NEGR1: variants seen among roughly 807,000 people sequenced by gnomAD.
The protein encoded by NEGR1 is IgLON family member 4.
Under a neutral mutation model 40.9 loss-of-function variants are expected in NEGR1, and 10 were observed. The ratio of observed to expected loss-of-function variants is 0.24; its 90% CI spans 0.15 to 0.42. NEGR1 has a LOEUF of 0.42. NEGR1 is among the 10% of genes least tolerant of loss of function. The probability of loss-of-function intolerance (pLI) is 1.00; values close to 1 mark genes in which losing one functional copy is unlikely to be tolerated. For synonymous variants in NEGR1, 185 were observed against 166.8 expected, an observed-to-expected ratio of 1.11 and a Z score of -0.84; for missense variants, 352 against 438.9, an observed-to-expected ratio of 0.80 and a Z score of 1.77.
At chr1:72,095,512 C>G (rs547414946) in intron 1 of NEGR1, among the ~76,000 whole-genome samples, 4 of 152,146 alleles carry the variant, frequency 2.6e-5, no homozygotes, top group African/African-American at 9.6e-5. Context: ...TATGAATCCC[C>G]TGTCCTCTAC....
At chr1:72,095,158 T>G (rs1648650579) in intron 1 of NEGR1, among the ~76,000 whole-genome samples, 1 of 152,156 alleles carries the variant, frequency 6.6e-6, no homozygotes, top group East Asian at 1.9e-4. Context: ...TAAATATCCA[T>G]TAAAATTCAC....
At chr1:71,902,559 C>G (rs1661170164) in intron 2 of NEGR1, among the ~76,000 whole-genome samples, 1 of 152,158 alleles carries the variant, frequency 6.6e-6, no homozygotes, top group Non-Finnish European at 1.5e-5. Flanking sequence ...ATTTCTGTAA[C>G]TCAGGACTTC....
At chr1:71,834,032 A>G (rs1383307267) in intron 2 of NEGR1, among the ~76,000 whole-genome samples, 1 of 152,128 alleles carries the variant, frequency 6.6e-6, no homozygotes, top group Non-Finnish European at 1.5e-5. Context: ...ATGTTTGTTG[A>G]ACAAATAAAT....
At chr1:72,034,622 C>A (rs1345092368) in intron 1 of NEGR1, among the ~76,000 whole-genome samples, 2 of 152,142 alleles carry the variant, frequency 1.3e-5, no homozygotes, top group African/African-American at 4.8e-5. Flanking sequence ...ACAATTGCTG[C>A]CACTTCCCTG....
At chr1:71,426,031 G>A (rs966735536) in intron 6 of NEGR1, among the ~76,000 whole-genome samples, 1 of 152,174 alleles carries the variant, frequency 6.6e-6, no homozygotes, top group Non-Finnish European at 1.5e-5. Context: ...AGTTAGTGAA[G>A]CTGCAAGAGT....
intron 1 of NEGR1, among the ~76,000 whole-genome samples, chr1:72,081,303 G>A (rs1424021932): frequency 6.6e-6 from 1 of 152,098 alleles, no homozygotes; most frequent in South Asian, 2.1e-4. Context: ...GTTGTCTAAA[G>A]AATGGAATAA....
At chr1:72,107,616 A>G (rs1298011351) in intron 1 of NEGR1, among the ~76,000 whole-genome samples, 1 of 151,520 alleles carries the variant, frequency 6.6e-6, no homozygotes, top group Non-Finnish European at 1.5e-5. Context: ...CTCTAAAACG[A>G]ATCTTTCTTC....
At chr1:72,101,694 C>A (rs1648954002) in intron 1 of NEGR1, among the ~76,000 whole-genome samples, 1 of 151,830 alleles carries the variant, frequency 6.6e-6, no homozygotes, top group Admixed American at 6.6e-5. Context: ...TAACTGAGAC[C>A]TTTGTCTCAG....
At chr1:72,077,819 A>G (rs1473532303) in intron 1 of NEGR1, among the ~76,000 whole-genome samples, 2 of 152,094 alleles carry the variant, frequency 1.3e-5, no homozygotes, top group Non-Finnish European at 2.9e-5. Context: ...TCAAATAAAA[A>G]AAAGAAAAAG....
chr1:72,120,297 A>G (rs1649748333), intron 1 of NEGR1, among the ~76,000 whole-genome samples: 1 of 152,030 alleles, frequency 6.6e-6, no homozygotes. Context: ...TCTACAAAAT[A>G]TATTTTATAA....
At chr1:71,898,668 T>C (rs1042952460) in intron 2 of NEGR1, among the ~76,000 whole-genome samples, 1 of 151,560 alleles carries the variant, frequency 6.6e-6, no homozygotes, top group African/African-American at 2.4e-5. Context: ...TTTGTTTTTT[T>C]TTCATTTAAT....
intron 5 of NEGR1, among the ~76,000 whole-genome samples, chr1:71,596,353 T>G (rs1477427538): frequency 2.6e-5 from 4 of 152,252 alleles, no homozygotes; most frequent in Non-Finnish European, 4.4e-5. Flanking sequence ...CTATTTGCTT[T>G]GCTAGCCAAG....
At chr1:71,872,372 T>C (rs145542492) in intron 2 of NEGR1, among the ~76,000 whole-genome samples, 118 of 152,304 alleles carry the variant, frequency 7.7e-4, no homozygotes, top group African/African-American at 2.7e-3. Flanking sequence ...TAGTATTGTG[T>C]TGTAGACGTT....
chr1:72,250,675 T>A (rs1399403927), intron 1 of NEGR1, among the ~76,000 whole-genome samples: 1 of 152,174 alleles, frequency 6.6e-6, no homozygotes, highest in Non-Finnish European at 1.5e-5. Context: ...AAGAAAATGA[T>A]AGTTAACCGT....
intron 1 of NEGR1, among the ~76,000 whole-genome samples, chr1:72,262,138 G>A (rs1655479471): frequency 6.6e-6 from 1 of 152,078 alleles, no homozygotes; most frequent in Admixed American, 6.6e-5. Flanking sequence ...TGGGTGGCAG[G>A]GCCTGCTTGC....
At position 71,469,382 on chromosome 1, in the gene NEGR1, A is replaced by C. The variant is rs533525839; in HGVS notation, c.941-61812T>G. On this transcript the variant is annotated intron_variant, in intron 6 of 6. Transcript: ENST00000357731. ...AGCAGGATCACATTGTAAACTATTA[A>C]AAAAACATAATTTGCTCTGTAATTA... Among the ~76,000 whole-genome samples the C allele has an allele frequency of 1.8e-4, 28 of 152,162 alleles. No homozygotes were observed. In the South Asian group the frequency reaches 5.8e-3, roughly 32 times the overall value.
At chr1:71,929,329 AT>A (rs1645832489) in intron 2 of NEGR1, among the ~76,000 whole-genome samples, 1 of 152,178 alleles carries the variant, frequency 6.6e-6, no homozygotes, top group Non-Finnish European at 1.5e-5. Context: ...GTAACGACAC[AT>A]AACGGGTTAT....
intron 6 of NEGR1, among the ~76,000 whole-genome samples, chr1:71,576,110 G>T (rs1349894995): frequency 6.6e-6 from 1 of 152,154 alleles, no homozygotes; most frequent in Admixed American, 6.5e-5. Flanking sequence ...AGAGGACAAA[G>T]AACTTGAGAG....
chr1:71,875,699 G>T (rs1188458878), intron 2 of NEGR1, among the ~76,000 whole-genome samples: 2 of 152,138 alleles, frequency 1.3e-5, no homozygotes, highest in Admixed American at 1.3e-4. Flanking sequence ...TTAGATCCTA[G>T]AGACTGAAAA....
Sources: allele counts gnomAD v4.1 joint callset (sites outside exome capture counted in the v4.1 genomes callset), GRCh38; gene constraint gnomAD v4.1.1; transcripts MANE v1.5; gene names NCBI Gene and HGNC (gene_info 2026-07-23, HGNC 2026-07-21).